The following UBE2V1 variants were observed in gnomAD, a reference collection of about 807,000 sequenced individuals.
UBE2V1 encodes ubiquitin conjugating enzyme E2 V1, also known as ubiquitin-conjugating enzyme E2 variant 1.
In UBE2V1, 15 loss-of-function variants were observed where a neutral mutation model predicts 19.6. That is an observed-to-expected ratio of 0.77 (90% CI 0.51 to 1.18). The LOEUF (loss-of-function observed/expected upper bound fraction) is 1.18. UBE2V1 is among the 50% of genes most tolerant of loss of function. The pLI is 0.00. For synonymous variants in UBE2V1, 60 were observed against 60.7 expected (o/e 0.99, Z 0.05); for missense variants, 125 against 184.8 (o/e 0.68, Z 1.88).
intron 1 of UBE2V1, among the ~76,000 whole-genome samples, chr20:50,099,650 C>G (rs746688754): frequency 2.0e-5 from 3 of 152,182 alleles, no homozygotes; most frequent in Non-Finnish European, 4.4e-5. Flanking sequence ...GCTCCTTCCC[C>G]TAGGAATCCA....
intron 2 of UBE2V1, among the ~76,000 whole-genome samples, chr20:50,084,990 G>C (rs2013393): frequency 2.8e-5 from 4 of 141,328 alleles, no homozygotes; most frequent in Non-Finnish European, 6.0e-5. Context: ...TCCGCCTCCC[G>C]GGTTCAAGTG....
At chr20:50,088,166 T>G (rs1290215995) in intron 2 of UBE2V1, among the ~76,000 whole-genome samples, 1 of 143,422 alleles carries the variant, frequency 7.0e-6, no homozygotes, top group African/African-American at 2.6e-5. Context: ...TGACCAGTAC[T>G]CCTCAAAACA....
chr20:50,103,790 C>A (rs1374756257), intron 1 of UBE2V1, among the ~76,000 whole-genome samples: 4 of 152,068 alleles, frequency 2.6e-5, no homozygotes, highest in Non-Finnish European at 4.4e-5. Flanking sequence ...CGGTCCCGGT[C>A]CCAAACACCT....
At chr20:50,110,329 C>A (rs1483510893) in intron 1 of UBE2V1, among the ~76,000 whole-genome samples, 1 of 152,252 alleles carries the variant, frequency 6.6e-6, no homozygotes, top group Non-Finnish European at 1.5e-5. Flanking sequence ...TCACACATTG[C>A]AGAACCAAAG....
Position 50,094,298 on chromosome 20 carries a change from T to TTATATAATATATAATGCATTATATA in UBE2V1, c.171+2373_171+2374insTATATAATGCATTATATATTATATA, listed in dbSNP as rs59144352. On this transcript the variant is annotated intron_variant, in intron 2 of 3. Coordinates refer to ENST00000371674, the MANE Select transcript of UBE2V1 (RefSeq NM_001032288.3). ...TATAATGCATTATATAATATATAAT[T>TTATATAATATATAATGCATTATATA]ATATATAATATATGTCCATCTTCAA... Among the ~76,000 whole-genome samples the TTATATAATATATAATGCATTATATA allele has an allele frequency of 1.0e-3, 83 of 81,028 alleles. 1 individual carries two copies. Among genetic ancestry groups the TTATATAATATATAATGCATTATATA allele is most frequent in the African/African-American group, 2.9e-3 (47 of 16,010 alleles). 53.2% of individuals were successfully genotyped at this position (81,028 alleles called of 152,430 possible).
rs191919741 is a variant in UBE2V1, at chr20:50,110,565, T to C, written c.22+2542A>G. 1.8e-3 allele frequency among the ~76,000 whole-genome samples: 281 copies of C among 152,312 alleles called. 10 individuals carry two copies. Among genetic ancestry groups the C allele is most frequent in the Admixed American group, 0.018 (279 of 15,294 alleles). ...AGAGAGGCCTGTACACTCATTTTAG[T>C]TTACCCCAAGTAAGGTCTGCTTTAC... is the stretch of plus-strand genomic sequence containing the variant. On this transcript the variant is annotated intron_variant, in intron 1 of 3. Coordinates refer to ENST00000371674, the MANE Select transcript of UBE2V1 (RefSeq NM_001032288.3).
intron 2 of UBE2V1, among the ~76,000 whole-genome samples, chr20:50,089,798 T>C (rs909778468): frequency 2.0e-5 from 3 of 152,334 alleles, no homozygotes; most frequent in Admixed American, 6.5e-5. Flanking sequence ...CACTCAAATA[T>C]TCTTAAGGAC....
intron 2 of UBE2V1, among the ~76,000 whole-genome samples, chr20:50,090,860 G>A (rs1485269765): frequency 6.6e-6 from 1 of 152,122 alleles, no homozygotes; most frequent in Non-Finnish European, 1.5e-5. Context: ...TTTGGTTGTG[G>A]TAATCATTAC....
At chr20:50,113,169 C>A (rs193169918), upstream of UBE2V1, 93 of 1,264,570 alleles carry the variant, frequency 7.4e-5, no homozygotes, top group African/African-American at 3.7e-4. Context: ...CTTCTTCACC[C>A]CCCCCTTACC....
intron 2 of UBE2V1, among the ~76,000 whole-genome samples, chr20:50,093,987 C>CAAAAAAAAAAAGAAAAAAAAA (rs2079401659): frequency 1.8e-5 from 1 of 56,306 alleles, no homozygotes. Flanking sequence ...GACTCCAACT[C>CAAAAAAAAAAAGAAAAAAAAA]AAAAAAAAAA....
At position 50,096,410 on chromosome 20, in the gene UBE2V1, C is replaced by T. The variant is rs139955688; in HGVS notation, c.171+262G>A. On this transcript the variant is annotated intron_variant, in intron 2 of 3. Transcript: ENST00000371674. ...TTGTTCTGAACGACATCTGATGGTG[C>T]AATGACTTCACACCTCACTGTCTAC... 1.6e-4 allele frequency: 119 copies of T among 730,482 alleles called. No homozygotes were observed. The Admixed American group carries it at 2.9e-3, about 18-fold the overall frequency. The allele number at this position is 730,482 out of a possible 1,614,324, so 45.3% of individuals were successfully genotyped here.
At chr20:50,083,396 C>G (rs1466001434) in intron 3 of UBE2V1, among the ~76,000 whole-genome samples, 1 of 152,242 alleles carries the variant, frequency 6.6e-6, no homozygotes, top group African/African-American at 2.4e-5. Flanking sequence ...ATAAATTCCC[C>G]AAAGCACAGG....
rs573468261 is a variant in UBE2V1 at position 50,107,107 on chromosome 20, C to T, written c.22+6000G>A. ...CAAGTAACTTTTATTTCTGAGCAAC[C>T]GCCCAAGTGTAGTCTGGCTGTCTAG... is the stretch of plus-strand genomic sequence containing the variant. On this transcript the variant is annotated intron_variant, in intron 1 of 3. Transcript: ENST00000371674. Among the ~76,000 whole-genome samples, 30 of 152,262 alleles carry T rather than the reference C, an allele frequency of 2.0e-4. No homozygotes were observed. The South Asian group carries it at 2.5e-3, about 13-fold the overall frequency.
chr20:50,085,564 C>T (rs1292631224), intron 2 of UBE2V1, among the ~76,000 whole-genome samples: 1 of 152,126 alleles, frequency 6.6e-6, no homozygotes, highest in African/African-American at 2.4e-5. Context: ...GCATCAGTAC[C>T]CTCTCCGGCA....
At chr20:50,113,187 C>A, upstream of UBE2V1, 1 of 1,244,568 alleles carries the variant, frequency 8.0e-7, no homozygotes, top group Non-Finnish European at 1.0e-6. Flanking sequence ...ACCCGTCCCC[C>A]GGCCCTGATG....
chr20:50,088,522 A>T (rs1229435558), intron 2 of UBE2V1, among the ~76,000 whole-genome samples: 1 of 152,202 alleles, frequency 6.6e-6, no homozygotes, highest in Admixed American at 6.5e-5. Flanking sequence ...ACGGTGGCCC[A>T]CGCCTGTAAT....
upstream of UBE2V1, chr20:50,115,642 C>T: frequency 7.5e-7 from 1 of 1,336,426 alleles, no homozygotes; most frequent in East Asian, 3.0e-5. Flanking sequence ...AAAATGCTTT[C>T]CTAAAACCCC....
intron 1 of UBE2V1, among the ~76,000 whole-genome samples, chr20:50,108,793 G>GA (rs1473971806): frequency 6.6e-6 from 1 of 152,112 alleles, no homozygotes; most frequent in African/African-American, 2.4e-5. Context: ...AGAGCTTCCT[G>GA]AAAAAAGGAC....
At chr20:50,087,002 G>A (rs1346646165) in intron 2 of UBE2V1, among the ~76,000 whole-genome samples, 1 of 152,184 alleles carries the variant, frequency 6.6e-6, no homozygotes, top group East Asian at 1.9e-4. Context: ...GCACGAACCC[G>A]GGAGGTGGAG....
Sources: allele counts gnomAD v4.1 joint callset (sites outside exome capture counted in the v4.1 genomes callset), GRCh38; gene constraint gnomAD v4.1.1; transcripts MANE v1.5; gene names NCBI Gene and HGNC (gene_info 2026-07-23, HGNC 2026-07-21).